CSMD1: variants seen among roughly 807,000 people sequenced by gnomAD.
CSMD1 encodes CUB and sushi domain-containing protein 1.
Under a neutral mutation model 417.5 loss-of-function variants are expected in CSMD1, and 213 were observed. The ratio of observed to expected loss-of-function variants is 0.51; its 90% CI spans 0.46 to 0.57. CSMD1 has a LOEUF of 0.57. Ranked by LOEUF, CSMD1 falls within the 20% of genes least tolerant of loss-of-function variation. The probability of loss-of-function intolerance (pLI) is 0.00; values close to 1 mark genes in which losing one functional copy is unlikely to be tolerated. For missense variants in CSMD1, 6,923 were observed against 4,529.7 expected (o/e 1.53, Z -15.17); for synonymous variants, 2,862 against 1,736.8 (o/e 1.65, Z -16.11).
intron 1 of CSMD1, among the ~76,000 whole-genome samples, chr8:4,746,143 T>C (rs1370640255): frequency 6.6e-6 from 1 of 152,240 alleles, no homozygotes; most frequent in African/African-American, 2.4e-5. Context: ...CTTTGGGCCC[T>C]GTTTCTTGGG....
intron 1 of CSMD1, among the ~76,000 whole-genome samples, chr8:4,927,012 C>G (rs1416992582): frequency 6.6e-6 from 1 of 151,878 alleles, no homozygotes; most frequent in Admixed American, 6.6e-5. Context: ...AAGCAGTAGA[C>G]ATCCCGTATC....
chr8:3,868,544 C>G (rs1805265033), intron 5 of CSMD1, among the ~76,000 whole-genome samples: 1 of 152,146 alleles, frequency 6.6e-6, no homozygotes, highest in Non-Finnish European at 1.5e-5. Context: ...TACCTGCAGC[C>G]TGAACCCTGT....
intron 3 of CSMD1, among the ~76,000 whole-genome samples, chr8:4,352,056 CA>C (rs1801129438): frequency 6.6e-6 from 1 of 150,848 alleles, no homozygotes; most frequent in South Asian, 2.1e-4. Context: ...GTGTGGTCTA[CA>C]ATTATTCAGT....
chr8:4,844,159 A>G (rs1360963238), intron 1 of CSMD1, among the ~76,000 whole-genome samples: 1 of 152,180 alleles, frequency 6.6e-6, no homozygotes, highest in Non-Finnish European at 1.5e-5. Flanking sequence ...ACCAAATATG[A>G]GTCAAGTTCT....
At chr8:4,013,756 G>A (rs1315966555) in intron 4 of CSMD1, among the ~76,000 whole-genome samples, 1 of 152,238 alleles carries the variant, frequency 6.6e-6, no homozygotes, top group South Asian at 2.1e-4. Context: ...GTTACATTCA[G>A]TCCAGTATCT....
At chr8:4,431,645 G>C (rs867420335) in intron 2 of CSMD1, among the ~76,000 whole-genome samples, 3 of 151,980 alleles carry the variant, frequency 2.0e-5, no homozygotes, top group Non-Finnish European at 4.4e-5. Context: ...AAAAAACAGA[G>C]GCTAACTGGA....
intron 3 of CSMD1, among the ~76,000 whole-genome samples, chr8:4,046,137 GTAT>G (rs1798134419): frequency 6.6e-6 from 1 of 151,926 alleles, no homozygotes; most frequent in Non-Finnish European, 1.5e-5. Context: ...TGATATATAT[GTAT>G]TATGTATCAT....
chr8:3,491,714 G>C (rs894007589), intron 11 of CSMD1, among the ~76,000 whole-genome samples: 1 of 152,184 alleles, frequency 6.6e-6, no homozygotes, highest in African/African-American at 2.4e-5. Context: ...TATCTCATAA[G>C]TAATCAATAA....
chr8:4,936,124 T>C (rs1255946527), intron 1 of CSMD1, among the ~76,000 whole-genome samples: 1 of 152,234 alleles, frequency 6.6e-6, no homozygotes, highest in East Asian at 1.9e-4. Context: ...AAATGGTTTC[T>C]GTCCTGTTCC....
At chr8:4,402,860 G>T (rs1426923771) in intron 3 of CSMD1, among the ~76,000 whole-genome samples, 2 of 109,934 alleles carry the variant, frequency 1.8e-5, no homozygotes, top group Non-Finnish European at 3.4e-5. Flanking sequence ...TTGCTCTGTT[G>T]CCAGGCTGGA....
At chr8:4,172,032 A>G (rs1301049126) in intron 3 of CSMD1, among the ~76,000 whole-genome samples, 1 of 152,212 alleles carries the variant, frequency 6.6e-6, no homozygotes, top group Non-Finnish European at 1.5e-5. Flanking sequence ...ATTTTCAAAT[A>G]AAAGGAAACA....
intron 5 of CSMD1, among the ~76,000 whole-genome samples, chr8:3,824,282 T>A (rs905078789): frequency 1.3e-5 from 2 of 152,168 alleles, no homozygotes; most frequent in Non-Finnish European, 2.9e-5. Context: ...CTCTTTCACT[T>A]AATTCGATGT....
At chr8:3,987,158 G>C (rs935542782) in intron 5 of CSMD1, among the ~76,000 whole-genome samples, 1 of 152,124 alleles carries the variant, frequency 6.6e-6, no homozygotes. Flanking sequence ...AGTTCTATGG[G>C]AGAAAGCAAT....
chr8:4,292,005 G>C (rs550795212), intron 3 of CSMD1, among the ~76,000 whole-genome samples: 1 of 152,230 alleles, frequency 6.6e-6, no homozygotes, highest in African/African-American at 2.4e-5. Context: ...GAGTGAGTTT[G>C]TTGCATAGAT....
intron 2 of CSMD1, among the ~76,000 whole-genome samples, chr8:4,466,614 A>C (rs976746910): frequency 2.0e-5 from 3 of 152,212 alleles, no homozygotes; most frequent in African/African-American, 7.2e-5. Flanking sequence ...TTCATAAGCC[A>C]GTTCAATTTT....
intron 10 of CSMD1, among the ~76,000 whole-genome samples, chr8:3,497,698 G>A (rs66461366): frequency 0.05 from 7,668 of 152,254 alleles, 202 homozygotes; most frequent in Middle Eastern, 0.071. Context: ...CAGGTGCAGT[G>A]AGTTTCTTAT....
intron 12 of CSMD1, among the ~76,000 whole-genome samples, chr8:3,461,051 A>G (rs2117152177): frequency 6.6e-6 from 1 of 152,204 alleles, no homozygotes; most frequent in East Asian, 1.9e-4. Flanking sequence ...ACAGCACATG[A>G]GTTCATGTGA....
At chr8:4,248,838 C>G (rs750354266) in intron 3 of CSMD1, among the ~76,000 whole-genome samples, 1 of 151,998 alleles carries the variant, frequency 6.6e-6, no homozygotes. Context: ...ATCCCAATAG[C>G]CAAAAACAAT....
intron 5 of CSMD1, among the ~76,000 whole-genome samples, chr8:3,845,139 G>C (rs1296231647): frequency 6.6e-6 from 1 of 152,184 alleles, no homozygotes; most frequent in Non-Finnish European, 1.5e-5. Flanking sequence ...TGTAGACATT[G>C]AATTGAAGGC....
Sources: gnomAD v4.1 joint callset for allele counts (sites outside exome capture counted in the v4.1 genomes callset) on GRCh38, gnomAD v4.1.1 for gene constraint, MANE v1.5 for transcripts, NCBI Gene and HGNC (gene_info 2026-07-23, HGNC 2026-07-21) for gene names.